The following GRID2 variants were observed in gnomAD, a reference collection of about 807,000 sequenced individuals.
GRID2 encodes glutamate ionotropic receptor delta type subunit 2.
GRID2 carries 33 observed loss-of-function variants against 114.8 expected under a neutral mutation model. That is an observed-to-expected ratio of 0.29 (90% confidence interval 0.22 to 0.38). The LOEUF (loss-of-function observed/expected upper bound fraction) is 0.38, where lower values mean the gene tolerates loss of function less well. Among genes scored for constraint, GRID2 ranks in the 10% least tolerant of loss-of-function variants. The pLI, the probability that GRID2 is intolerant of heterozygous loss-of-function variation, is 1.00. For synonymous variants in GRID2, 505 were observed against 449.9 expected, an observed-to-expected ratio of 1.12 and a Z score of -1.55; for missense variants, 1,184 against 1,257.7, an observed-to-expected ratio of 0.94 and a Z score of 0.89.
intron 1 of GRID2, among the ~76,000 whole-genome samples, chr4:92,401,083 T>G (rs1730766907): frequency 6.6e-6 from 1 of 152,194 alleles, no homozygotes; most frequent in Non-Finnish European, 1.5e-5. Context: ...ATAAAAGTTT[T>G]AATTTTGATG....
intron 14 of GRID2, among the ~76,000 whole-genome samples, chr4:93,765,092 TTC>T (rs1390859039): frequency 2.6e-5 from 4 of 152,168 alleles, no homozygotes; most frequent in Non-Finnish European, 5.9e-5. Context: ...ATTCATCCTA[TTC>T]ATCTTCCAGG....
chr4:92,337,055 T>C (rs1392888828), intron 1 of GRID2, among the ~76,000 whole-genome samples: 1 of 148,256 alleles, frequency 6.7e-6, no homozygotes, highest in East Asian at 2.1e-4. Flanking sequence ...TTATATAATA[T>C]GTCTCTCATG....
At chr4:93,307,815 C>T (rs1330038721) in intron 8 of GRID2, among the ~76,000 whole-genome samples, 1 of 152,110 alleles carries the variant, frequency 6.6e-6, no homozygotes, top group Non-Finnish European at 1.5e-5. Context: ...CAATAATCAG[C>T]ATTCACAAGG....
At chr4:92,429,382 G>A (rs1173163551) in intron 1 of GRID2, among the ~76,000 whole-genome samples, 2 of 152,062 alleles carry the variant, frequency 1.3e-5, no homozygotes, top group African/African-American at 2.4e-5. Context: ...TTCACTTAAT[G>A]TAATGTCCTT....
chr4:93,698,540 AG>A (rs1727241274), intron 14 of GRID2, among the ~76,000 whole-genome samples: 1 of 152,060 alleles, frequency 6.6e-6, no homozygotes, highest in African/African-American at 2.4e-5. Flanking sequence ...GGTTTCATTA[AG>A]GGGGAAAGCA....
At chr4:92,465,179 C>T (rs1166876711) in intron 1 of GRID2, among the ~76,000 whole-genome samples, 1 of 151,770 alleles carries the variant, frequency 6.6e-6, no homozygotes, top group African/African-American at 2.4e-5. Context: ...TAGACTAATA[C>T]AGATATCAAA....
At chr4:93,755,849 CA>C (rs1225409932) in intron 14 of GRID2, among the ~76,000 whole-genome samples, 1 of 152,250 alleles carries the variant, frequency 6.6e-6, no homozygotes, top group Middle Eastern at 3.4e-3. Context: ...TGCTAGAAAA[CA>C]ATTCAGTTTC....
intron 2 of GRID2, among the ~76,000 whole-genome samples, chr4:92,747,231 A>AT: frequency 6.6e-6 from 1 of 151,994 alleles, no homozygotes; most frequent in East Asian, 1.9e-4. Flanking sequence ...TTATAAAAAA[A>AT]GATATATAAA....
At chr4:92,769,514 C>T (rs1237534417) in intron 2 of GRID2, among the ~76,000 whole-genome samples, 1 of 152,190 alleles carries the variant, frequency 6.6e-6, no homozygotes, top group African/African-American at 2.4e-5. Context: ...CCTCACATTT[C>T]CCTTCCTCAC....
chr4:93,742,920 C>T (rs1731541219), intron 14 of GRID2, among the ~76,000 whole-genome samples: 1 of 152,106 alleles, frequency 6.6e-6, no homozygotes. Context: ...TCTCTTGAAT[C>T]GAAAACTAGA....
intron 13 of GRID2, among the ~76,000 whole-genome samples, chr4:93,585,677 T>C (rs1159310001): frequency 3.3e-5 from 5 of 151,936 alleles, no homozygotes. Flanking sequence ...TTTAGGGGAG[T>C]TCATGTTGCT....
chr4:92,993,299 A>G (rs540902712), intron 2 of GRID2, among the ~76,000 whole-genome samples: 1 of 151,820 alleles, frequency 6.6e-6, no homozygotes, highest in African/African-American at 2.4e-5. Flanking sequence ...ATTAAAAAAA[A>G]AAAACAAAAA....
At chr4:92,646,947 T>C (rs948177902) in intron 2 of GRID2, among the ~76,000 whole-genome samples, 1 of 152,176 alleles carries the variant, frequency 6.6e-6, no homozygotes, top group Non-Finnish European at 1.5e-5. Context: ...TCAGGTGTTG[T>C]ACTTGGATTT....
At chr4:92,546,842 A>C (rs1053699552) in intron 1 of GRID2, among the ~76,000 whole-genome samples, 3 of 152,210 alleles carry the variant, frequency 2.0e-5, no homozygotes, top group African/African-American at 7.2e-5. Context: ...GACCTTGAGA[A>C]TGATTTTCAG....
chr4:92,541,630 A>G (rs1013985688), intron 1 of GRID2, among the ~76,000 whole-genome samples: 1 of 152,128 alleles, frequency 6.6e-6, no homozygotes, highest in African/African-American at 2.4e-5. Context: ...AAATATTTTC[A>G]TTTAAAACAT....
chr4:93,506,765 A>G lies in GRID2; in HGVS notation c.1998-8451A>G, dbSNP rs771123976. On this transcript the variant is annotated intron_variant, in intron 12 of 15. Coordinates refer to ENST00000282020, the MANE Select transcript of GRID2 (RefSeq NM_001510.4). ...ATTTGAAAAGTTCTCTCCATTTCCC[A>G]AAATGGAGTCCTAACCCTCTGCCTT... Among the ~76,000 whole-genome samples, 51 of 152,250 alleles carry G rather than the reference A, an allele frequency of 3.3e-4. No homozygotes were observed. The Middle Eastern group carries it at 0.01, about 30-fold the overall frequency.
At chr4:92,968,921 A>T (rs1224488755) in intron 2 of GRID2, among the ~76,000 whole-genome samples, 1 of 151,860 alleles carries the variant, frequency 6.6e-6, no homozygotes, top group Non-Finnish European at 1.5e-5. Context: ...TATTACCCAA[A>T]GAAAACCATT....
chr4:93,752,081 G>T (rs1246715405), intron 14 of GRID2, among the ~76,000 whole-genome samples: 2 of 151,802 alleles, frequency 1.3e-5, no homozygotes, highest in African/African-American at 4.8e-5. Context: ...AGGAAAAACT[G>T]AAAACCTATT....
chr4:92,982,906 A>G lies in GRID2; in HGVS notation c.245-102089A>G, dbSNP rs1176298326. On this transcript the variant is annotated intron_variant, in intron 2 of 15. Coordinates refer to ENST00000282020, the MANE Select transcript of GRID2 (RefSeq NM_001510.4). ...TCTCATTAACCTTTAGAGGATACAT[A>G]AATTATACTATATATCCTATTCTGA... 3.9e-5 allele frequency among the ~76,000 whole-genome samples: 6 copies of G among 152,102 alleles called. No individual in the cohort carries two copies. The East Asian group carries it at 1.2e-3, about 29-fold the overall frequency.
Sources: allele counts gnomAD v4.1 joint callset (sites outside exome capture counted in the v4.1 genomes callset), GRCh38; gene constraint gnomAD v4.1.1; transcripts MANE v1.5; gene names NCBI Gene and HGNC (gene_info 2026-07-23, HGNC 2026-07-21).